The following ITGAE variants were observed in gnomAD, a reference collection of about 807,000 sequenced individuals.
The protein encoded by ITGAE is integrin subunit alpha E, also known as integrin alpha-E.
ITGAE carries 99 observed loss-of-function variants against 136.5 expected under a neutral mutation model. The ratio of observed to expected loss-of-function variants is 0.73; its 90% CI spans 0.62 to 0.86. The LOEUF (loss-of-function observed/expected upper bound fraction) is 0.86. Ranked by LOEUF, ITGAE falls within the 40% of genes least tolerant of loss-of-function variation. ITGAE has a pLI of 0.00. For synonymous variants in ITGAE, 613 were observed against 591.8 expected, an observed-to-expected ratio of 1.04 and a Z score of -0.52; for missense variants, 1,447 against 1,515.3, an observed-to-expected ratio of 0.95 and a Z score of 0.75.
chr17:3,784,088 GTC>G (rs1567556070), intron 1 of ITGAE, among the ~76,000 whole-genome samples: 1 of 151,942 alleles, frequency 6.6e-6, no homozygotes, highest in Non-Finnish European at 1.5e-5. Context: ...GTGAAACCCC[GTC>G]TCTACTAAAA....
In ITGAE at chr17:3,781,218, C is replaced by T. The variant is rs140381949; in HGVS notation, c.35-3558G>A. ...CATATGCTGTTTTCCCCCACAACTA[C>T]GTTTTTTGATGTTGTCATATTGTTT... On this transcript the variant is annotated intron_variant, in intron 1 of 30. Transcript: ENST00000263087. Among the ~76,000 whole-genome samples the T allele has an allele frequency of 4.9e-3, 750 of 152,314 alleles. 3 individuals carry two copies. Among genetic ancestry groups the T allele is most frequent in the Middle Eastern group, 0.024 (7 of 294 alleles).
intron 10 of ITGAE, 135 bp from the exon 11 acceptor site, chr17:3,756,032 G>T: frequency 1.3e-6 from 1 of 774,032 alleles, no homozygotes. Context: ...CCGGCTGAGG[G>T]TAGAGACCCA....
intron 26 of ITGAE, chr17:3,724,493 C>T (rs746425661): frequency 5.0e-6 from 8 of 1,613,872 alleles, no homozygotes; most frequent in African/African-American, 4.0e-5. Flanking sequence ...GGGACAGTGT[C>T]ATCTCGATCG....
chr17:3,748,165 G>A, intron 16 of ITGAE, 113 bp from the exon 17 acceptor site: 4 of 1,091,908 alleles, frequency 3.7e-6, no homozygotes, highest in Non-Finnish European at 2.6e-6. Context: ...CCACATCCAG[G>A]TGATCCCTGA....
At chr17:3,758,598 A>G (rs1597340433) in intron 8 of ITGAE, among the ~76,000 whole-genome samples, 2 of 152,084 alleles carry the variant, frequency 1.3e-5, no homozygotes, top group South Asian at 4.2e-4. Context: ...GATTACAGGC[A>G]CCTGCCACCA....
intron 1 of ITGAE, among the ~76,000 whole-genome samples, chr17:3,795,372 C>A (rs2053039759): frequency 6.6e-6 from 1 of 152,220 alleles, no homozygotes; most frequent in Non-Finnish European, 1.5e-5. Flanking sequence ...TATTCCCTTT[C>A]CTCACGCCAC....
chr17:3,743,078 G>A (rs2051624021), intron 19 of ITGAE, among the ~76,000 whole-genome samples: 1 of 152,254 alleles, frequency 6.6e-6, no homozygotes, highest in Non-Finnish European at 1.5e-5. Context: ...TGAACAGGCA[G>A]GTGTGCCAAA....
intron 1 of ITGAE, among the ~76,000 whole-genome samples, chr17:3,788,198 CT>C (rs200999689): frequency 0.045 from 6,295 of 140,954 alleles, 126 homozygotes; most frequent in East Asian, 0.05. Context: ...CACTCACTTA[CT>C]TTTTTTTTTT....
intron 19 of ITGAE, among the ~76,000 whole-genome samples, chr17:3,741,338 C>T (rs1034207205): frequency 6.6e-6 from 1 of 151,354 alleles, no homozygotes; most frequent in African/African-American, 2.4e-5. Context: ...CCGCCAGCCT[C>T]GGCCTCCCAA....
chr17:3,765,348 C>CA (rs66493976), intron 2 of ITGAE, among the ~76,000 whole-genome samples: 52,627 of 64,038 alleles, frequency 0.82, 21,709 homozygotes, highest in East Asian at 0.88. Context: ...GACTCTGTCT[C>CA]AAAAAAAAAA....
chr17:3,757,231 A>G (rs990073958), intron 9 of ITGAE, 97 bp from the exon 10 acceptor site: 7 of 1,379,190 alleles, frequency 5.1e-6, no homozygotes, highest in South Asian at 1.3e-5. Flanking sequence ...GGGGCCCTCC[A>G]TTACCTGTCT....
intron 2 of ITGAE, among the ~76,000 whole-genome samples, chr17:3,775,491 G>A (rs769865507): frequency 1.3e-5 from 2 of 151,804 alleles, no homozygotes; most frequent in East Asian, 1.9e-4. Flanking sequence ...ACAGAGTCTC[G>A]CTCCGTCACC....
At chr17:3,782,113 A>G (rs914517566) in intron 1 of ITGAE, among the ~76,000 whole-genome samples, 2 of 151,552 alleles carry the variant, frequency 1.3e-5, no homozygotes, top group Admixed American at 6.6e-5. Context: ...TGTCTCTACT[A>G]AAAATACAAA....
At chr17:3,734,311 G>C (rs1275527688) in intron 21 of ITGAE, among the ~76,000 whole-genome samples, 1 of 152,150 alleles carries the variant, frequency 6.6e-6, no homozygotes, top group Non-Finnish European at 1.5e-5. Flanking sequence ...CTGACCTCGT[G>C]ATCCGCCCGT....
intron 1 of ITGAE, among the ~76,000 whole-genome samples, chr17:3,788,286 T>G (rs2052847375): frequency 6.6e-6 from 1 of 151,336 alleles, no homozygotes; most frequent in Non-Finnish European, 1.5e-5. Context: ...ACACAGTATG[T>G]TTTCTTTCTT....
intron 1 of ITGAE, among the ~76,000 whole-genome samples, chr17:3,784,647 C>A (rs2052743757): frequency 6.6e-6 from 1 of 152,164 alleles, no homozygotes; most frequent in South Asian, 2.1e-4. Flanking sequence ...CCCACCTCAG[C>A]CTCCTAAAGT....
chr17:3,739,819 G>A lies in ITGAE; in HGVS notation c.2508C>T (p.Ala836=), dbSNP rs2051542364. The A allele has an allele frequency of 6.2e-7, 1 of 1,614,012 alleles. No homozygotes were observed. The highest frequency in any genetic ancestry group is 8.5e-7 in the Non-Finnish European group (1 of 1,179,890). The change falls in exon 20 of 31, where the codon GCC becomes GCT. Residue 836 remains alanine (A), a synonymous_variant. Coordinates refer to ENST00000263087, the MANE Select transcript of ITGAE (RefSeq NM_002208.5). ...GTCCAACTCACTGAGAGACGGTGGT[G>A]GCCAACTGTAATTCTGCGACACAAA... The part of the protein sequence containing the change: ...KLFCVAELQL[A]TTVSQQELVV...
chr17:3,784,603 C>T (rs2052742219), intron 1 of ITGAE, among the ~76,000 whole-genome samples: 1 of 151,984 alleles, frequency 6.6e-6, no homozygotes, highest in South Asian at 2.1e-4. Context: ...CCATGTTGGC[C>T]AGGATGGTCT....
chr17:3,759,443 C>A lies in ITGAE; in HGVS notation c.825G>T (p.Val275=), dbSNP rs767449729. 2 of 1,614,100 alleles carry A rather than the reference C, an allele frequency of 1.2e-6. No homozygotes were observed. The highest frequency in any genetic ancestry group is 1.7e-5 in the Admixed American group (1 of 60,010). The change falls in exon 8 of 31, where the codon GTG becomes GTT. Residue 275 remains valine (V), a synonymous_variant. Coordinates refer to ENST00000263087, the MANE Select transcript of ITGAE (RefSeq NM_002208.5). ...SLARVQNITQ[V]GSVTKTASAM... ...CTGAGGCAGTCTTGGTGACACTCCC[C>A]ACTTGAGTGATGTTCTGGACTCTGG...
Sources: allele counts gnomAD v4.1 joint callset (sites outside exome capture counted in the v4.1 genomes callset), GRCh38; gene constraint gnomAD v4.1.1; transcripts MANE v1.5; gene names NCBI Gene and HGNC (gene_info 2026-07-23, HGNC 2026-07-21).